The following SMCO2 variants were observed in gnomAD, a reference collection of about 807,000 sequenced individuals.
SMCO2 encodes single-pass membrane protein with coiled-coil domains 2.
In SMCO2, 25 loss-of-function variants were observed where a neutral mutation model predicts 29.5. The ratio of observed to expected loss-of-function variants is 0.85; its 90% CI spans 0.62 to 1.18. The LOEUF is 1.18. Ranked by LOEUF, SMCO2 falls within the 50% of genes most tolerant of loss-of-function variation. The probability of loss-of-function intolerance (pLI) is 0.00; values close to 1 mark genes in which losing one functional copy is unlikely to be tolerated. For missense variants in SMCO2, 348 were observed against 344.5 expected (o/e 1.01, Z -0.08); for synonymous variants, 117 against 123.3 (o/e 0.95, Z 0.34).
rs143626773 is a variant in SMCO2 at position 27,492,945 on chromosome 12, A to G, written c.451-1355A>G. 4.7e-3 allele frequency among the ~76,000 whole-genome samples: 718 copies of G among 152,348 alleles called. 5 individuals are homozygous for G. The highest frequency in any genetic ancestry group is 0.034 in the Middle Eastern group (10 of 294). Reference sequence around the variant, plus strand: ...ATAGAATCAACCTAAATGCCCATCAATGACAGTTGGGATAAAGAAAATGTG... The same window carrying G: ...ATAGAATCAACCTAAATGCCCATCAGTGACAGTTGGGATAAAGAAAATGTG... On this transcript the variant is annotated intron_variant, in intron 5 of 7. Transcript: ENST00000298876.
upstream of SMCO2, among the ~76,000 whole-genome samples, chr12:27,462,401 C>T (rs1022344420): frequency 2.0e-5 from 3 of 152,150 alleles, no homozygotes; most frequent in Non-Finnish European, 2.9e-5. Flanking sequence ...ATTTTACTAA[C>T]GGGCTAGAAG....
intron 1 of SMCO2, among the ~76,000 whole-genome samples, chr12:27,468,505 A>C (rs745516011): frequency 2.2e-4 from 33 of 152,240 alleles, no homozygotes; most frequent in African/African-American, 4.8e-5. Context: ...GCTCTAGAAA[A>C]TTCTGAGTTG....
intron 4 of SMCO2, among the ~76,000 whole-genome samples, chr12:27,475,345 CT>C (rs1272153450): frequency 2.0e-5 from 3 of 151,962 alleles, no homozygotes; most frequent in African/African-American, 7.2e-5. Context: ...AAAAATATAT[CT>C]TTTTTTATTA....
chr12:27,480,458 T>A (rs368540877), intron 4 of SMCO2, among the ~76,000 whole-genome samples: 2 of 152,252 alleles, frequency 1.3e-5, no homozygotes. Context: ...CAAGTTGACA[T>A]CTAGTATTAA....
At chr12:27,434,749 A>G in the SMCO2 span, among the ~76,000 whole-genome samples, 2 of 152,240 alleles carry the variant, frequency 1.3e-5, no homozygotes, top group Admixed American at 1.3e-4. Flanking sequence ...GAAATAGTCC[A>G]AACTTATATA....
the SMCO2 span, among the ~76,000 whole-genome samples, chr12:27,437,011 G>A: frequency 6.6e-6 from 1 of 152,186 alleles, no homozygotes; most frequent in Admixed American, 6.5e-5. Context: ...ATGGGATGTG[G>A]TTGGGACTAC....
chr12:27,431,894 A>G, the SMCO2 span, among the ~76,000 whole-genome samples: 18 of 152,254 alleles, frequency 1.2e-4, no homozygotes, highest in African/African-American at 3.9e-4. Flanking sequence ...TAAGGGTTCC[A>G]GTTTCTCCAC....
chr12:27,450,488 T>G, the SMCO2 span, among the ~76,000 whole-genome samples: 1 of 152,206 alleles, frequency 6.6e-6, no homozygotes, highest in East Asian at 1.9e-4. Flanking sequence ...GACCATTCCT[T>G]CAGTGCAAAC....
At chr12:27,440,999 T>C in the SMCO2 span, among the ~76,000 whole-genome samples, 2 of 152,278 alleles carry the variant, frequency 1.3e-5, no homozygotes, top group Admixed American at 1.3e-4. Flanking sequence ...GGCTCATGCC[T>C]ATAATCCCAG....
chr12:27,444,149 C>T, the SMCO2 span, among the ~76,000 whole-genome samples: 4 of 152,122 alleles, frequency 2.6e-5, no homozygotes, highest in African/African-American at 9.7e-5. Context: ...AACAGACACA[C>T]ATAGACCAAT....
At chr12:27,472,825 G>T in exon 3 of SMCO2, 1 of 1,550,846 alleles carries the variant, frequency 6.4e-7, no homozygotes, top group Non-Finnish European at 8.7e-7. Flanking sequence ...CAGATCGGAT[G>T]ATGAGGATGA....
chr12:27,480,929 CT>C (rs1949637556), intron 4 of SMCO2, among the ~76,000 whole-genome samples: 4 of 152,170 alleles, frequency 2.6e-5, no homozygotes, highest in Non-Finnish European at 1.5e-5. Flanking sequence ...GACTAACACA[CT>C]GTCAGTGGCA....
chr12:27,462,476 G>T (rs980419533), upstream of SMCO2, among the ~76,000 whole-genome samples: 1 of 152,076 alleles, frequency 6.6e-6, no homozygotes, highest in Admixed American at 6.5e-5. Flanking sequence ...AATCTTCGCC[G>T]CCTGAGGTTT....
At chr12:27,444,884 C>T in the SMCO2 span, among the ~76,000 whole-genome samples, 6 of 152,146 alleles carry the variant, frequency 3.9e-5, no homozygotes, top group Non-Finnish European at 7.3e-5. Flanking sequence ...GATAGCTGCA[C>T]GCCCGTGTTT....
At chr12:27,428,544 T>G in the SMCO2 span, among the ~76,000 whole-genome samples, 1 of 151,644 alleles carries the variant, frequency 6.6e-6, no homozygotes, top group East Asian at 2.0e-4. Context: ...CTTTTTAATG[T>G]TAATCTTGGC....
At chr12:27,445,468 C>A in the SMCO2 span, among the ~76,000 whole-genome samples, 6 of 152,274 alleles carry the variant, frequency 3.9e-5, no homozygotes, top group East Asian at 1.2e-3. Context: ...TTTTATCTGA[C>A]AACCCTATTA....
chr12:27,446,024 C>G, the SMCO2 span, among the ~76,000 whole-genome samples: 1 of 152,066 alleles, frequency 6.6e-6, no homozygotes, highest in Non-Finnish European at 1.5e-5. Flanking sequence ...CTGCCTCAGC[C>G]TCCCAAGTAG....
the SMCO2 span, among the ~76,000 whole-genome samples, chr12:27,438,474 A>T: frequency 6.6e-6 from 1 of 152,146 alleles, no homozygotes; most frequent in Admixed American, 6.5e-5. Context: ...AGTGCAATTC[A>T]TCACTTTGCC....
At chr12:27,473,216 C>A (rs1184656174) in intron 3 of SMCO2, 15 of 238,288 alleles carry the variant, frequency 6.3e-5, no homozygotes, top group Admixed American at 2.1e-4. Context: ...ACCATATGAC[C>A]ATACCCCCTC....
Sources: gnomAD v4.1 joint callset for allele counts (sites outside exome capture counted in the v4.1 genomes callset) on GRCh38, gnomAD v4.1.1 for gene constraint, MANE v1.5 for transcripts, NCBI Gene and HGNC (gene_info 2026-07-23, HGNC 2026-07-21) for gene names.